The following ZNF100 variants were observed in gnomAD, a reference collection of about 807,000 sequenced individuals.
ZNF100 encodes zinc finger protein 100, also known as zinc finger protein 100 (Y1).
ZNF100 carries 12 observed loss-of-function variants against 15.8 expected under a neutral mutation model. The ratio of observed to expected loss-of-function variants is 0.76; its 90% CI spans 0.49 to 1.23. The LOEUF (loss-of-function observed/expected upper bound fraction) is 1.23, where lower values mean the gene tolerates loss of function less well. ZNF100 is among the 50% of genes most tolerant of loss of function. The probability of loss-of-function intolerance (pLI) is 0.00; values close to 1 mark genes in which losing one functional copy is unlikely to be tolerated. For missense variants in ZNF100, 670 were observed against 635.6 expected (o/e 1.05, Z -0.58); for synonymous variants, 226 against 214.8 (o/e 1.05, Z -0.45).
intron 4 of ZNF100, among the ~76,000 whole-genome samples, chr19:21,732,623 A>AATAT (rs551357705): frequency 6.7e-6 from 1 of 148,594 alleles, no homozygotes; most frequent in Non-Finnish European, 1.5e-5. Context: ...CACAATATAA[A>AATAT]ATATATATAT....
chr19:21,744,769 G>A (rs1166812903), intron 3 of ZNF100, among the ~76,000 whole-genome samples, 172 bp downstream of exon 3: 3 of 152,074 alleles, frequency 2.0e-5, no homozygotes, highest in Non-Finnish European at 4.4e-5. Context: ...GGAAAGTTCA[G>A]GTCAAGATGA....
chr19:21,731,307 TTTTTTATTTTTTA>T (rs1425900537), intron 4 of ZNF100, among the ~76,000 whole-genome samples: 1 of 147,250 alleles, frequency 6.8e-6, no homozygotes, highest in African/African-American at 2.6e-5. Context: ...CTTTCCTTTT[TTTTTTATTTTTTA>T]TTTTTTGAGA....
At chr19:21,766,109 C>T (rs1158999190) in intron 1 of ZNF100, among the ~76,000 whole-genome samples, 2 of 152,152 alleles carry the variant, frequency 1.3e-5, no homozygotes, top group East Asian at 3.9e-4. Flanking sequence ...TTAAAAGCGC[C>T]ATTTAATGCT....
chr19:21,755,612 A>T (rs1042857504), intron 2 of ZNF100, among the ~76,000 whole-genome samples: 2 of 152,228 alleles, frequency 1.3e-5, no homozygotes, highest in Non-Finnish European at 2.9e-5. Flanking sequence ...AAACCATTCT[A>T]CTATAAAGAC....
At chr19:21,765,849 C>A (rs538845380) in intron 1 of ZNF100, 63 bp from the exon 2 acceptor site, 15 of 1,498,496 alleles carry the variant, frequency 1.0e-5, no homozygotes, top group Admixed American at 1.7e-5. Context: ...AGAACCATGG[C>A]GGATATCTCG....
chr19:21,742,376 C>CTTTT (rs59997375), intron 4 of ZNF100, among the ~76,000 whole-genome samples: 3 of 86,146 alleles, frequency 3.5e-5, no homozygotes, highest in African/African-American at 4.0e-5. Flanking sequence ...TTTTCTTTTT[C>CTTTT]TTTTTTTTTT....
At chr19:21,759,556 C>T (rs1481251343) in intron 2 of ZNF100, among the ~76,000 whole-genome samples, 1 of 152,130 alleles carries the variant, frequency 6.6e-6, no homozygotes, top group South Asian at 2.1e-4. Flanking sequence ...GATGGTTAGG[C>T]ATTCTAAGTC....
chr19:21,740,929 A>G (rs539275393), intron 4 of ZNF100, among the ~76,000 whole-genome samples: 4 of 152,230 alleles, frequency 2.6e-5, no homozygotes, highest in Non-Finnish European at 5.9e-5. Context: ...TATTCAAAAT[A>G]TGCAACAAAA....
intron 4 of ZNF100, among the ~76,000 whole-genome samples, chr19:21,730,998 G>C (rs890880100): frequency 6.6e-6 from 1 of 151,958 alleles, no homozygotes; most frequent in African/African-American, 2.4e-5. Flanking sequence ...TTGCATTTTT[G>C]AGAAACTAGA....
At chr19:21,761,655 G>A (rs990539571) in intron 2 of ZNF100, among the ~76,000 whole-genome samples, 1 of 121,362 alleles carries the variant, frequency 8.2e-6, no homozygotes, top group Non-Finnish European at 1.8e-5. Context: ...ATCGGGCCAA[G>A]TATAAGACTA....
intron 2 of ZNF100, among the ~76,000 whole-genome samples, chr19:21,760,996 G>T (rs774591339): frequency 6.6e-6 from 1 of 151,922 alleles, no homozygotes; most frequent in African/African-American, 2.4e-5. Context: ...CTGACTTCGT[G>T]ATCTGCCCGC....
At chr19:21,757,754 G>A (rs1445582276) in intron 2 of ZNF100, among the ~76,000 whole-genome samples, 2 of 152,038 alleles carry the variant, frequency 1.3e-5, no homozygotes, top group Non-Finnish European at 2.9e-5. Context: ...AATATGGTAT[G>A]GTCAGATGAC....
chr19:21,748,010 CAG>C (rs1249786144), intron 2 of ZNF100, among the ~76,000 whole-genome samples: 2 of 152,046 alleles, frequency 1.3e-5, no homozygotes, highest in East Asian at 3.9e-4. Context: ...TAAATATAGA[CAG>C]AGGAGGGGGC....
Position 21,726,773 on chromosome 19 carries a change from G to C in ZNF100, c.1539C>G (p.Tyr513Ter). The C allele has an allele frequency of 6.2e-7, 1 of 1,613,396 alleles. No homozygotes were observed. The highest frequency in any genetic ancestry group is 8.5e-7 in the Non-Finnish European group (1 of 1,179,718). ...AGTCTTTACCACATTCTTCCCATTT[G>C]TAAGATTTCTCTCCAGTATGAGTTA... The part of the protein sequence containing the change: ...HKITHTGEKS[Y>*]KWEECGKDFN... The change falls in exon 5 of 5, where the codon TAC (tyrosine) becomes TAG (stop). Residue 513 changes from tyrosine to a stop codon, truncating the protein, a stop_gained. Coordinates refer to ENST00000358296, the MANE Select transcript of ZNF100 (RefSeq NM_173531.4). LOFTEE classifies it low-confidence loss of function (END_TRUNC).
At position 21,767,465 on chromosome 19, in the gene ZNF100, T is replaced by C. The variant is rs2036584257; in HGVS notation, c.-36A>G. ...CTAGGGGGTCCTGGCGTCTTAGCTG[T>C]GGATCTCCCAATATCTGCAGGTCAG... is the stretch of plus-strand genomic sequence containing the variant. On this transcript the variant is annotated 5_prime_UTR_variant, in exon 1 of 5. Coordinates refer to ENST00000358296, the MANE Select transcript of ZNF100 (RefSeq NM_173531.4). The C allele has an allele frequency of 1.2e-6, 2 of 1,614,000 alleles. No homozygotes were observed. Among genetic ancestry groups the C allele is most frequent in the African/African-American group, 2.7e-5 (2 of 75,062 alleles).
chr19:21,751,013 C>T, intron 2 of ZNF100: 4 of 1,245,334 alleles, frequency 3.2e-6, no homozygotes, highest in South Asian at 2.7e-5. Context: ...GATTTCGCAG[C>T]GGGCGAGGGC....
chr19:21,750,916 A>G, intron 2 of ZNF100: 1 of 629,904 alleles, frequency 1.6e-6, no homozygotes, highest in Non-Finnish European at 2.8e-6. Context: ...GCGTGGTGCC[A>G]GAGCTGTACT....
intron 2 of ZNF100, among the ~76,000 whole-genome samples, chr19:21,760,249 T>A (rs988949032): frequency 6.6e-6 from 1 of 151,562 alleles, no homozygotes; most frequent in African/African-American, 2.4e-5. Flanking sequence ...TAATTACACT[T>A]TGGGAGGCTG....
intron 2 of ZNF100, 90 bp from the exon 3 acceptor site, chr19:21,745,157 A>G (rs57394342): frequency 0.077 from 116,747 of 1,520,358 alleles, 5,587 homozygotes; most frequent in South Asian, 0.18. Context: ...ATGACAGAGC[A>G]AAGAGAATTG....
Sources: gnomAD v4.1 joint callset for allele counts (sites outside exome capture counted in the v4.1 genomes callset) on GRCh38, gnomAD v4.1.1 for gene constraint, MANE v1.5 for transcripts, NCBI Gene and HGNC (gene_info 2026-07-23, HGNC 2026-07-21) for gene names.